The following KCND2 variants were observed in gnomAD, a reference collection of about 807,000 sequenced individuals.
The protein encoded by KCND2 is potassium voltage-gated channel subfamily D member 2.
Under a neutral mutation model 54.4 loss-of-function variants are expected in KCND2, and 16 were observed. That is an observed-to-expected ratio of 0.29 (90% CI 0.20 to 0.45). The LOEUF (loss-of-function observed/expected upper bound fraction) is 0.45. KCND2 is among the 20% of genes least tolerant of loss of function. The pLI, the probability that KCND2 is intolerant of heterozygous loss-of-function variation, is 1.00. For synonymous variants in KCND2, 317 were observed against 310.7 expected, an observed-to-expected ratio of 1.02 and a Z score of -0.21; for missense variants, 486 against 824.2, an observed-to-expected ratio of 0.59 and a Z score of 5.02.
At chr7:120,446,571 T>C (rs1205644682) in intron 1 of KCND2, among the ~76,000 whole-genome samples, 2 of 150,954 alleles carry the variant, frequency 1.3e-5, no homozygotes, top group African/African-American at 2.4e-5. Flanking sequence ...CACATACACA[T>C]ACACATACAC....
chr7:120,543,015 C>T (rs1791997804), intron 1 of KCND2, among the ~76,000 whole-genome samples: 1 of 151,976 alleles, frequency 6.6e-6, no homozygotes, highest in African/African-American at 2.4e-5. Context: ...TACATATGCA[C>T]ACATACACAC....
At chr7:120,630,598 C>T (rs1793222091) in intron 1 of KCND2, among the ~76,000 whole-genome samples, 1 of 152,006 alleles carries the variant, frequency 6.6e-6, no homozygotes, top group African/African-American at 2.4e-5. Context: ...ATACAAATAT[C>T]TATAATCTAT....
intron 1 of KCND2, among the ~76,000 whole-genome samples, chr7:120,572,824 AGT>A (rs1280322520): frequency 2.6e-5 from 4 of 152,218 alleles, no homozygotes; most frequent in Non-Finnish European, 5.9e-5. Flanking sequence ...TGCCCAGCTG[AGT>A]GTGAACATAA....
At chr7:120,384,396 A>G (rs1188651142) in intron 1 of KCND2, among the ~76,000 whole-genome samples, 1 of 152,120 alleles carries the variant, frequency 6.6e-6, no homozygotes, top group Non-Finnish European at 1.5e-5. Flanking sequence ...ATTTAAATAT[A>G]CAAGTTACCA....
intron 1 of KCND2, among the ~76,000 whole-genome samples, chr7:120,688,514 A>C (rs770394845): frequency 6.6e-6 from 1 of 152,154 alleles, no homozygotes; most frequent in African/African-American, 2.4e-5. Context: ...ACTCTGCTCT[A>C]TAGAGAGGAC....
At chr7:120,432,525 C>A (rs1016034923) in intron 1 of KCND2, among the ~76,000 whole-genome samples, 1 of 151,620 alleles carries the variant, frequency 6.6e-6, no homozygotes, top group Non-Finnish European at 1.5e-5. Context: ...ACACACACAC[C>A]CCTCATTTTC....
At chr7:120,491,866 T>C (rs1340595184) in intron 1 of KCND2, among the ~76,000 whole-genome samples, 2 of 152,038 alleles carry the variant, frequency 1.3e-5, no homozygotes, top group African/African-American at 4.8e-5. Context: ...TGTGGTTTGT[T>C]ATGTTTTAAT....
chr7:120,479,799 A>C (rs867382162), intron 1 of KCND2, among the ~76,000 whole-genome samples: 4,640 of 105,170 alleles, frequency 0.044, 47 homozygotes, highest in African/African-American at 0.058. Flanking sequence ...ACACACACAA[A>C]AAAAAAAAAA....
intron 1 of KCND2, among the ~76,000 whole-genome samples, chr7:120,700,336 GTAAAGTTATCT>G (rs1227887693): frequency 6.6e-6 from 1 of 152,210 alleles, no homozygotes; most frequent in Non-Finnish European, 1.5e-5. Context: ...TTAAACACTT[GTAAAGTTATCT>G]TTGTTCAACT....
intron 2 of KCND2, chr7:120,740,785 G>A: frequency 2.2e-6 from 1 of 446,878 alleles, no homozygotes; most frequent in South Asian, 1.6e-5. Context: ...AATCTCTCTG[G>A]ATAGGCTTAC....
At chr7:120,580,007 G>T (rs961353040) in intron 1 of KCND2, among the ~76,000 whole-genome samples, 1 of 152,180 alleles carries the variant, frequency 6.6e-6, no homozygotes, top group African/African-American at 2.4e-5. Flanking sequence ...TTGAGGATTA[G>T]TCTCAGATCT....
chr7:120,375,475 G>A (rs1800824025), intron 1 of KCND2, among the ~76,000 whole-genome samples: 1 of 151,788 alleles, frequency 6.6e-6, no homozygotes, highest in South Asian at 2.1e-4. Context: ...TCTATTTCTT[G>A]TCAGTTTAAA....
In KCND2 at chr7:120,358,367, A is replaced by G. The variant is rs115414280; in HGVS notation, c.1115+82620A>G. ...TTTAGGGGTTTTGTTTTTATTTTCAATGCATAAATCTGCATTGGATTGATG... is the reference window on the plus strand; with the variant it reads ...TTTAGGGGTTTTGTTTTTATTTTCAGTGCATAAATCTGCATTGGATTGATG... On this transcript the variant is annotated intron_variant, in intron 1 of 5. Transcript: ENST00000331113. 8.4e-3 allele frequency among the ~76,000 whole-genome samples: 1,279 copies of G among 152,188 alleles called. 17 individuals are homozygous for G. The highest frequency in any genetic ancestry group is 0.028 in the African/African-American group (1,180 of 41,530).
At chr7:120,680,919 A>G (rs1484496505) in intron 1 of KCND2, among the ~76,000 whole-genome samples, 1 of 152,148 alleles carries the variant, frequency 6.6e-6, no homozygotes, top group Non-Finnish European at 1.5e-5. Flanking sequence ...GAGAAGGAGC[A>G]GTTCCCTTAT....
At chr7:120,338,082 T>G (rs1344667592) in intron 1 of KCND2, among the ~76,000 whole-genome samples, 1 of 152,188 alleles carries the variant, frequency 6.6e-6, no homozygotes, top group East Asian at 1.9e-4. Flanking sequence ...TAATGGGTAC[T>G]TAGATGTTTG....
chr7:120,295,414 A>G (rs1226996072), intron 1 of KCND2, among the ~76,000 whole-genome samples: 1 of 150,976 alleles, frequency 6.6e-6, no homozygotes, highest in Non-Finnish European at 1.5e-5. Context: ...ACACACAAAC[A>G]CACCCACACA....
chr7:120,546,792 A>G (rs1792047753), intron 1 of KCND2, among the ~76,000 whole-genome samples: 1 of 152,034 alleles, frequency 6.6e-6, no homozygotes, highest in Admixed American at 6.6e-5. Flanking sequence ...AACACAATAT[A>G]GATTTTAAGT....
chr7:120,464,445 C>A (rs187227170), intron 1 of KCND2, among the ~76,000 whole-genome samples: 164 of 152,188 alleles, frequency 1.1e-3, no homozygotes, highest in Admixed American at 3.4e-3. Context: ...AGTTCATTTG[C>A]TGAGGTGAAG....
At chr7:120,502,105 G>A (rs1802945176) in intron 1 of KCND2, among the ~76,000 whole-genome samples, 1 of 152,012 alleles carries the variant, frequency 6.6e-6, no homozygotes, top group African/African-American at 2.4e-5. Context: ...CTAGCCAACG[G>A]TTGGAAATGT....
Sources: gnomAD v4.1 joint callset for allele counts (sites outside exome capture counted in the v4.1 genomes callset) on GRCh38, gnomAD v4.1.1 for gene constraint, MANE v1.5 for transcripts, NCBI Gene and HGNC (gene_info 2026-07-23, HGNC 2026-07-21) for gene names.